Variants in KLHDC4 observed in about 807,000 individuals in gnomAD.
The protein encoded by KLHDC4 is kelch domain containing 4.
In KLHDC4, 90 loss-of-function variants were observed where a neutral mutation model predicts 62.4. The observed-to-expected ratio is 1.44, with a 90% CI of 1.22 to 1.72. The LOEUF (loss-of-function observed/expected upper bound fraction) is 1.72, where lower values mean the gene tolerates loss of function less well. Among genes scored for constraint, KLHDC4 ranks in the 40% most tolerant of loss-of-function variants. KLHDC4 has a pLI of 0.00. For missense variants in KLHDC4, 1,025 were observed against 699.7 expected (o/e 1.47, Z -5.25); for synonymous variants, 386 against 284.4 (o/e 1.36, Z -3.59).
chr16:87,728,878 G>C (rs575622500), intron 6 of KLHDC4, among the ~76,000 whole-genome samples: 2 of 152,114 alleles, frequency 1.3e-5, no homozygotes, highest in Non-Finnish European at 2.9e-5. Context: ...CAGTTCAAGC[G>C]ATTCTCTTGT....
chr16:87,756,330 C>G, intron 3 of KLHDC4, 69 bp downstream of exon 3: 1 of 1,204,184 alleles, frequency 8.3e-7, no homozygotes, highest in Non-Finnish European at 1.2e-6. Context: ...ATGTCACTGC[C>G]TTAAGTTAAC....
intron 7 of KLHDC4, among the ~76,000 whole-genome samples, chr16:87,716,352 A>G (rs2036982626): frequency 6.6e-6 from 1 of 152,070 alleles, no homozygotes. Context: ...GACTCTGGGT[A>G]CGCGCTATGT....
At chr16:87,732,235 A>G (rs150390319) in intron 5 of KLHDC4, among the ~76,000 whole-genome samples, 5 of 151,682 alleles carry the variant, frequency 3.3e-5, no homozygotes, top group Non-Finnish European at 7.4e-5. Flanking sequence ...ACCTGGGATT[A>G]CAGGTGCCTG....
intron 7 of KLHDC4, among the ~76,000 whole-genome samples, chr16:87,720,258 GGGA>G (rs879783887): frequency 1.5e-4 from 23 of 152,296 alleles, no homozygotes; most frequent in Non-Finnish European, 3.4e-4. Context: ...GACTGGTCCT[GGGA>G]GAAGACAGTG....
chr16:87,742,585 C>T (rs1483727229), intron 5 of KLHDC4, among the ~76,000 whole-genome samples: 1 of 152,160 alleles, frequency 6.6e-6, no homozygotes, highest in Non-Finnish European at 1.5e-5. Context: ...GGATAGGGAT[C>T]GTGGAGAGGG....
chr16:87,752,911 G>A (rs979157837), intron 4 of KLHDC4, among the ~76,000 whole-genome samples: 4 of 152,226 alleles, frequency 2.6e-5, no homozygotes, highest in African/African-American at 7.2e-5. Flanking sequence ...AAAACCAGAC[G>A]AAATCTAGGA....
Position 87,715,069 on chromosome 16 carries a change from T to A in KLHDC4, c.760-496A>T, listed in dbSNP as rs114635501. On this transcript the variant is annotated intron_variant, in intron 7 of 11. Coordinates refer to ENST00000270583, the MANE Select transcript of KLHDC4 (RefSeq NM_017566.4). ...GCGCTCCATGTCCCTTAGCCCTTAG[T>A]CTTCTGCCTCAAGTGAGCCTCAGCT... Among the ~76,000 whole-genome samples, 451 of 152,256 alleles carry A rather than the reference T, an allele frequency of 3.0e-3. 2 individuals carry two copies. The highest frequency in any genetic ancestry group is 0.011 in the African/African-American group (438 of 41,552).
chr16:87,754,172 G>C (rs1260313531), intron 4 of KLHDC4, among the ~76,000 whole-genome samples: 2 of 151,432 alleles, frequency 1.3e-5, no homozygotes, highest in East Asian at 3.9e-4. Flanking sequence ...AAATGTAGAA[G>C]GCACCTTAGC....
intron 5 of KLHDC4, among the ~76,000 whole-genome samples, chr16:87,739,120 T>C (rs866846046): frequency 0.097 from 2,557 of 26,392 alleles, 3 homozygotes; most frequent in Middle Eastern, 0.15. Context: ...ACCTCATCCA[T>C]CCACACACCA....
intron 5 of KLHDC4, among the ~76,000 whole-genome samples, chr16:87,731,273 C>G (rs1597578190): frequency 1.3e-5 from 2 of 151,688 alleles, no homozygotes; most frequent in East Asian, 3.9e-4. Context: ...CCATGTTGGC[C>G]AGGCTGGTCT....
At chr16:87,748,324 TG>T (rs1197665120) in intron 5 of KLHDC4, among the ~76,000 whole-genome samples, 2 of 152,190 alleles carry the variant, frequency 1.3e-5, no homozygotes, top group Non-Finnish European at 2.9e-5. Context: ...CACATCGCTA[TG>T]GGGCCCCCCT....
chr16:87,754,295 G>C (rs533002679), intron 4 of KLHDC4, among the ~76,000 whole-genome samples: 1 of 151,940 alleles, frequency 6.6e-6, no homozygotes, highest in Non-Finnish European at 1.5e-5. Context: ...GCAATGAGCC[G>C]AAATCAGGCC....
chr16:87,763,802 A>C (rs946343067), intron 1 of KLHDC4, among the ~76,000 whole-genome samples: 1 of 152,182 alleles, frequency 6.6e-6, no homozygotes, highest in African/African-American at 2.4e-5. Context: ...GAAGGAGAGC[A>C]AGGTGGTAGG....
chr16:87,717,289 T>C (rs1407964870), intron 7 of KLHDC4, among the ~76,000 whole-genome samples: 1 of 152,208 alleles, frequency 6.6e-6, no homozygotes, highest in South Asian at 2.1e-4. Flanking sequence ...TGCTACCGGG[T>C]AGTATTGTTT....
intron 5 of KLHDC4, among the ~76,000 whole-genome samples, chr16:87,743,891 C>T (rs796845648): frequency 5.3e-5 from 8 of 152,198 alleles, no homozygotes; most frequent in South Asian, 2.1e-4. Flanking sequence ...ACAATGCTCC[C>T]GATGGGGAGG....
chr16:87,706,449 G>A (rs145544490), downstream of KLHDC4, among the ~76,000 whole-genome samples: 939 of 141,270 alleles, frequency 6.6e-3, 6 homozygotes, highest in African/African-American at 0.024. Context: ...GGAGGGGGCC[G>A]GCACAACGCA....
chr16:87,729,708 C>T (rs573648520), intron 6 of KLHDC4, among the ~76,000 whole-genome samples: 9 of 152,362 alleles, frequency 5.9e-5, no homozygotes, highest in African/African-American at 1.4e-4. Flanking sequence ...AGGCCTCTTC[C>T]GGCATCGCTG....
At chr16:87,764,646 CAAAAAAAAA>C (rs564692904) in intron 1 of KLHDC4, among the ~76,000 whole-genome samples, 22 of 33,838 alleles carry the variant, frequency 6.5e-4, no homozygotes, top group South Asian at 2.3e-3. Context: ...GAAACTCCTT[CAAAAAAAAA>C]AAAAAAAAAA....
intron 6 of KLHDC4, among the ~76,000 whole-genome samples, chr16:87,729,909 G>C (rs569559278): frequency 6.6e-6 from 1 of 152,274 alleles, no homozygotes; most frequent in South Asian, 2.1e-4. Context: ...CAGCCCTCTA[G>C]GGTATTCTGA....
Sources: allele counts gnomAD v4.1 joint callset (sites outside exome capture counted in the v4.1 genomes callset), GRCh38; gene constraint gnomAD v4.1.1; transcripts MANE v1.5; gene names NCBI Gene and HGNC (gene_info 2026-07-23, HGNC 2026-07-21).